The following MED15 variants were observed in gnomAD, a reference collection of about 807,000 sequenced individuals.
MED15 encodes the protein mediator complex subunit 15.
A neutral mutation model predicts 118.7 loss-of-function variants in MED15; 41 were observed. The ratio of observed to expected loss-of-function variants is 0.35; its 90% confidence interval spans 0.27 to 0.45. The LOEUF is 0.45. MED15 is among the 20% of genes least tolerant of loss of function. The pLI is 1.00. For synonymous variants in MED15, 436 were observed against 413.9 expected (o/e 1.05, Z -0.65); for missense variants, 740 against 1,025.5 (o/e 0.72, Z 3.80).
chr22:20,569,455 A>T (rs2056563504), intron 8 of MED15, among the ~76,000 whole-genome samples: 3 of 152,098 alleles, frequency 2.0e-5, no homozygotes, highest in Admixed American at 2.0e-4. Context: ...CACAGCTGGC[A>T]GTGCGCCTGC....
intron 3 of MED15, among the ~76,000 whole-genome samples, chr22:20,552,282 T>A (rs1293147307): frequency 6.6e-6 from 1 of 152,224 alleles, no homozygotes; most frequent in African/African-American, 2.4e-5. Context: ...GTCCTATTTC[T>A]ATTCCCCTGT....
At chr22:20,565,918 C>T (rs774630674) in intron 6 of MED15, among the ~76,000 whole-genome samples, 3 of 150,812 alleles carry the variant, frequency 2.0e-5, no homozygotes, top group Non-Finnish European at 4.4e-5. Context: ...CTTGGTGCCT[C>T]CCCGGTGTCA....
In MED15 at chr22:20,561,413, G is replaced by A. The variant is rs1211306922; in HGVS notation, c.452-3037G>A. On this transcript the variant is annotated intron_variant, in intron 5 of 17. Transcript: ENST00000263205. ...CGCATGCCTGTAATCCCAGCTACTT[G>A]GGAGGCTGAGGCAGGAGAATCGCTA... is the stretch of plus-strand genomic sequence containing the variant. Among the ~76,000 whole-genome samples the A allele has an allele frequency of 4.6e-5, 7 of 152,020 alleles. 1 individual carries two copies. The highest frequency in any genetic ancestry group is 7.2e-5 in the African/African-American group (3 of 41,394).
chr22:20,519,066 C>G, intron 1 of MED15: 1 of 338,302 alleles, frequency 3.0e-6, no homozygotes, highest in Admixed American at 4.1e-5. Flanking sequence ...GTTGTCCAGG[C>G]TGGTCTCCAA....
chr22:20,524,100 G>T (rs967287062), intron 1 of MED15, among the ~76,000 whole-genome samples: 1 of 152,176 alleles, frequency 6.6e-6, no homozygotes, highest in Admixed American at 6.5e-5. Flanking sequence ...AAAAGTAAAA[G>T]AACCAGAATG....
At chr22:20,511,109 A>G (rs1010071428) in intron 1 of MED15, among the ~76,000 whole-genome samples, 2 of 152,234 alleles carry the variant, frequency 1.3e-5, no homozygotes, top group Non-Finnish European at 2.9e-5. Context: ...AATTCTAGAC[A>G]TACCTTTAAC....
At chr22:20,534,948 A>C (rs1310159724) in intron 1 of MED15, among the ~76,000 whole-genome samples, 1 of 152,196 alleles carries the variant, frequency 6.6e-6, no homozygotes, top group African/African-American at 2.4e-5. Context: ...GGCTTCAGGA[A>C]GCAGACAGGG....
chr22:20,543,111 TTGTGTGTGTGTGTGTGTGTGTGTG>T (rs61279859), intron 2 of MED15, among the ~76,000 whole-genome samples: 30 of 141,270 alleles, frequency 2.1e-4, no homozygotes, highest in African/African-American at 4.8e-4. Context: ...TCTCTCTTCT[TTGTGTGTGTGTGTGTGTGTGTGTG>T]TGTGTGTGTG....
intron 17 of MED15, 120 bp downstream of exon 17, chr22:20,585,946 C>T (rs1333151211): frequency 2.3e-6 from 2 of 853,102 alleles, no homozygotes; most frequent in Non-Finnish European, 1.8e-6. Context: ...CCAGCTCAGG[C>T]CCCTCCCTCC....
At chr22:20,582,413 C>T in intron 9 of MED15, 198 bp from the exon 10 acceptor site, 2 of 843,344 alleles carry the variant, frequency 2.4e-6, no homozygotes, top group Non-Finnish European at 3.6e-6. Context: ...CCCCCCCCGC[C>T]AGCCCCTTGG....
chr22:20,525,995 G>T (rs1167021050), intron 1 of MED15, among the ~76,000 whole-genome samples: 1 of 150,796 alleles, frequency 6.6e-6, no homozygotes, highest in South Asian at 2.1e-4. Flanking sequence ...ATTTTGGCTC[G>T]CTGCAGCTTC....
chr22:20,529,328 A>G (rs1424554132), intron 1 of MED15, among the ~76,000 whole-genome samples: 1 of 151,840 alleles, frequency 6.6e-6, no homozygotes, highest in Non-Finnish European at 1.5e-5. Flanking sequence ...GCTCACTGCA[A>G]CCTCCACCTC....
chr22:20,557,156 G>C (rs1375374056), intron 5 of MED15, among the ~76,000 whole-genome samples: 1 of 152,126 alleles, frequency 6.6e-6, no homozygotes. Context: ...CGCCCCCTCT[G>C]CTTTGTCAGT....
At chr22:20,508,465 T>C in intron 1 of MED15, 1 of 1,261,212 alleles carries the variant, frequency 7.9e-7, no homozygotes, top group Non-Finnish European at 1.0e-6. Flanking sequence ...AAGCTGTTTA[T>C]TTCACCTGGG....
At chr22:20,516,021 AAAAT>A (rs1008149984) in intron 1 of MED15, among the ~76,000 whole-genome samples, 5 of 151,740 alleles carry the variant, frequency 3.3e-5, no homozygotes, top group African/African-American at 9.7e-5. Context: ...AAAAAAATTA[AAAAT>A]AAATAAGTAG....
chr22:20,521,088 A>ACTT (rs2054432742), intron 1 of MED15, among the ~76,000 whole-genome samples: 1 of 61,498 alleles, frequency 1.6e-5, no homozygotes, highest in Admixed American at 1.8e-4. Context: ...CAGTTGTTCT[A>ACTT]TTTTTTTTTT....
chr22:20,585,526 G>T (rs376954434), intron 16 of MED15: 23 of 684,072 alleles, frequency 3.4e-5, no homozygotes, highest in East Asian at 2.7e-4. Context: ...GGAGGTGGTA[G>T]GCAGGACCTC....
intron 1 of MED15, among the ~76,000 whole-genome samples, chr22:20,523,193 G>C (rs1243522050): frequency 6.6e-6 from 1 of 152,092 alleles, no homozygotes; most frequent in East Asian, 1.9e-4. Context: ...GGCTGAGACT[G>C]TGAGTTCAGT....
rs143377454 is a variant in MED15 at position 20,563,544 on chromosome 22, C to T, written c.452-906C>T. On this transcript the variant is annotated intron_variant, in intron 5 of 17. Coordinates refer to ENST00000263205, the MANE Select transcript of MED15 (RefSeq NM_001003891.3). ...AGGGTTGCTGAGAGAGGTGGCAACA[C>T]GAGGGATCCTTGTGGTGTGGGGACT... Among the ~76,000 whole-genome samples, 1,020 of 152,270 alleles carry T rather than the reference C, an allele frequency of 6.7e-3. 7 individuals carry two copies. The highest frequency in any genetic ancestry group is 9.5e-3 in the Non-Finnish European group (647 of 68,016).
Sources: gnomAD v4.1 joint callset for allele counts (sites outside exome capture counted in the v4.1 genomes callset) on GRCh38, gnomAD v4.1.1 for gene constraint, MANE v1.5 for transcripts, NCBI Gene and HGNC (gene_info 2026-07-23, HGNC 2026-07-21) for gene names.